The following CCDC178 variants were observed in gnomAD, a reference collection of about 807,000 sequenced individuals.
The protein encoded by CCDC178 is coiled-coil domain containing 178.
A neutral mutation model predicts 117.4 loss-of-function variants in CCDC178; 126 were observed. The observed-to-expected ratio is 1.07, with a 90% CI of 0.93 to 1.24. The LOEUF is 1.24. Ranked by LOEUF, CCDC178 falls within the 50% of genes most tolerant of loss-of-function variation. The probability of loss-of-function intolerance (pLI) is 0.00; values close to 1 mark genes in which losing one functional copy is unlikely to be tolerated. For synonymous variants in CCDC178, 283 were observed against 313.4 expected, an observed-to-expected ratio of 0.90 and a Z score of 1.02; for missense variants, 1,030 against 986.9, an observed-to-expected ratio of 1.04 and a Z score of -0.59.
chr18:33,060,054 G>A (rs2056897925), intron 21 of CCDC178, among the ~76,000 whole-genome samples: 1 of 152,002 alleles, frequency 6.6e-6, no homozygotes, highest in African/African-American at 2.4e-5. Context: ...TCTTTGAAAT[G>A]TGTTTCTTTT....
chr18:33,424,639 G>T (rs981191939), intron 2 of CCDC178, among the ~76,000 whole-genome samples: 1 of 152,188 alleles, frequency 6.6e-6, no homozygotes, highest in Non-Finnish European at 1.5e-5. Context: ...CTTGCATACA[G>T]ACACAGGGGA....
In CCDC178 at chr18:33,419,945, T is replaced by C. The variant is rs541999766; in HGVS notation, c.-22-7835A>G. Among the ~76,000 whole-genome samples the C allele has an allele frequency of 2.0e-5, 3 of 151,916 alleles. No homozygotes were observed. In the East Asian group the frequency reaches 5.8e-4, roughly 29 times the overall value. ...TTTTTTCACCAATCTCATGATTGCA[T>C]ATATACCCCAAAAAAATAAAGTATT... On this transcript the variant is annotated intron_variant, in intron 2 of 22. Coordinates refer to ENST00000383096, the MANE Select transcript of CCDC178 (RefSeq NM_001105528.4).
At chr18:33,353,169 C>A (rs1190183945) in intron 7 of CCDC178, among the ~76,000 whole-genome samples, 1 of 152,024 alleles carries the variant, frequency 6.6e-6, no homozygotes, top group East Asian at 1.9e-4. Context: ...CTTTTGTCTT[C>A]TGTAACAGGC....
At chr18:33,175,669 G>T (rs1433997191) in intron 20 of CCDC178, among the ~76,000 whole-genome samples, 1 of 152,110 alleles carries the variant, frequency 6.6e-6, no homozygotes, top group Non-Finnish European at 1.5e-5. Flanking sequence ...TTATTCTCTG[G>T]CCTTAAACCG....
At chr18:33,113,169 T>C (rs2057806960) in intron 20 of CCDC178, among the ~76,000 whole-genome samples, 1 of 152,016 alleles carries the variant, frequency 6.6e-6, no homozygotes, top group African/African-American at 2.4e-5. Context: ...AAAAACACAA[T>C]GAATCATAGT....
chr18:33,120,910 G>A (rs1463314036), intron 20 of CCDC178, among the ~76,000 whole-genome samples: 1 of 152,086 alleles, frequency 6.6e-6, no homozygotes, highest in Non-Finnish European at 1.5e-5. Flanking sequence ...GGCATAACAT[G>A]TTTTTGGTTG....
chr18:33,025,503 A>G (rs959182808), intron 21 of CCDC178, among the ~76,000 whole-genome samples: 7 of 152,194 alleles, frequency 4.6e-5, no homozygotes, highest in African/African-American at 1.2e-4. Context: ...CTCACCTGAA[A>G]AAAAGACTAG....
At chr18:33,039,042 A>G (rs952869997) in intron 21 of CCDC178, among the ~76,000 whole-genome samples, 1 of 152,180 alleles carries the variant, frequency 6.6e-6, no homozygotes, top group Non-Finnish European at 1.5e-5. Context: ...AAAGTATTTT[A>G]AAAGATTAAG....
intron 5 of CCDC178, among the ~76,000 whole-genome samples, chr18:33,384,746 C>T (rs2063475177): frequency 6.6e-6 from 1 of 152,142 alleles, no homozygotes; most frequent in Admixed American, 6.5e-5. Context: ...CCATTATCAT[C>T]CACTACGAAA....
At chr18:33,188,496 G>A (rs994803744) in intron 20 of CCDC178, among the ~76,000 whole-genome samples, 2 of 152,146 alleles carry the variant, frequency 1.3e-5, no homozygotes, top group Non-Finnish European at 2.9e-5. Context: ...AAGCAGGAAA[G>A]ATGAAACAAA....
At chr18:33,133,283 A>T (rs271581) in intron 20 of CCDC178, among the ~76,000 whole-genome samples, 24,407 of 151,794 alleles carry the variant, frequency 0.16, 2,745 homozygotes, top group African/African-American at 0.32. Context: ...GTTAAATATA[A>T]AGAATATTAT....
intron 5 of CCDC178, among the ~76,000 whole-genome samples, chr18:33,372,762 C>T (rs2063317056): frequency 6.6e-6 from 1 of 152,160 alleles, no homozygotes; most frequent in South Asian, 2.1e-4. Flanking sequence ...TGTTTATAAA[C>T]TTTCAACTCT....
At chr18:33,307,514 T>C (rs925905764) in intron 11 of CCDC178, among the ~76,000 whole-genome samples, 2 of 152,118 alleles carry the variant, frequency 1.3e-5, no homozygotes, top group Non-Finnish European at 2.9e-5. Context: ...GTTTAGAAAA[T>C]GTGCAGCCTG....
chr18:33,056,525 G>C (rs941433806), intron 21 of CCDC178, among the ~76,000 whole-genome samples: 4 of 152,152 alleles, frequency 2.6e-5, no homozygotes, highest in African/African-American at 9.7e-5. Flanking sequence ...ACAGTAAAGG[G>C]AAGTCTGGAA....
In CCDC178 at chr18:33,359,965, T is replaced by C. The variant is rs548129473; in HGVS notation, c.349-3619A>G. Among the ~76,000 whole-genome samples the C allele has an allele frequency of 4.0e-5, 6 of 151,468 alleles. 1 individual carries two copies. The South Asian group carries it at 1.2e-3, about 31-fold the overall frequency. On this transcript the variant is annotated intron_variant, in intron 6 of 22. Coordinates refer to ENST00000383096, the MANE Select transcript of CCDC178 (RefSeq NM_001105528.4). ...TGGAAATTATTACCAAATATTTAAA[T>C]ATTTTAATGCTATTATTGAGACAAA...
chr18:33,283,357 A>G (rs1487315780), intron 12 of CCDC178, among the ~76,000 whole-genome samples: 1 of 152,198 alleles, frequency 6.6e-6, no homozygotes, highest in Non-Finnish European at 1.5e-5. Context: ...AACCTCAAAG[A>G]CTGAGTGCCT....
intron 20 of CCDC178, among the ~76,000 whole-genome samples, chr18:33,162,277 A>T (rs1434114587): frequency 1.3e-5 from 2 of 152,210 alleles, no homozygotes; most frequent in Non-Finnish European, 2.9e-5. Context: ...GCACATGTAT[A>T]CATATGTAAC....
At chr18:33,242,529 A>G (rs1033932848) in intron 15 of CCDC178, among the ~76,000 whole-genome samples, 2 of 151,748 alleles carry the variant, frequency 1.3e-5, no homozygotes, top group South Asian at 2.1e-4. Context: ...AATATCCAGA[A>G]TACACAAGGA....
intron 12 of CCDC178, among the ~76,000 whole-genome samples, chr18:33,282,463 C>G (rs1236021458): frequency 6.6e-6 from 1 of 152,152 alleles, no homozygotes; most frequent in East Asian, 1.9e-4. Flanking sequence ...CTAGTCTGAC[C>G]TATGCACTCC....
Sources: gnomAD v4.1 joint callset for allele counts (sites outside exome capture counted in the v4.1 genomes callset) on GRCh38, gnomAD v4.1.1 for gene constraint, MANE v1.5 for transcripts, NCBI Gene and HGNC (gene_info 2026-07-23, HGNC 2026-07-21) for gene names.